THADA: variants seen among roughly 807,000 people sequenced by gnomAD.
The protein encoded by THADA is THADA armadillo repeat containing.
In THADA, 213 loss-of-function variants were observed where a neutral mutation model predicts 219.8. The ratio of observed to expected loss-of-function variants is 0.97; its 90% confidence interval spans 0.87 to 1.09. The LOEUF is 1.09. Ranked by LOEUF, THADA falls within the 50% of genes least tolerant of loss-of-function variation. The probability of loss-of-function intolerance (pLI) is 0.00; values close to 1 mark genes in which losing one functional copy is unlikely to be tolerated. For missense variants in THADA, 2,956 were observed against 2,311.3 expected, an observed-to-expected ratio of 1.28 and a Z score of -5.72; for synonymous variants, 1,018 against 828.9, an observed-to-expected ratio of 1.23 and a Z score of -3.92.
rs542228773 is a variant in THADA, at chr2:43,236,536, G to A, written c.5297-3654C>T. ...GTCCATCAAGGAAACAAGAAAGCAA[G>A]CAGCCAAGCAACAAGTGTGTTTTAA... is the stretch of plus-strand genomic sequence containing the variant. On this transcript the variant is annotated intron_variant, in intron 36 of 37. Coordinates refer to ENST00000405975, the MANE Select transcript of THADA (RefSeq NM_022065.5). Among the ~76,000 whole-genome samples, 63 of 152,298 alleles carry A rather than the reference G, an allele frequency of 4.1e-4. 1 individual carries two copies. In the South Asian group the frequency reaches 0.012, roughly 30 times the overall value.
At chr2:43,503,082 G>A (rs1471050376) in intron 24 of THADA, among the ~76,000 whole-genome samples, 5 of 152,202 alleles carry the variant, frequency 3.3e-5, no homozygotes. Context: ...ATACAAAGGT[G>A]TTGATAAGCA....
intron 30 of THADA, among the ~76,000 whole-genome samples, chr2:43,335,829 T>C (rs1666352676): frequency 6.8e-6 from 1 of 146,596 alleles, no homozygotes. Context: ...CCAGGAGTGG[T>C]GGCTCACATC....
intron 36 of THADA, among the ~76,000 whole-genome samples, chr2:43,233,586 G>T (rs1011076208): frequency 6.6e-6 from 1 of 152,192 alleles, no homozygotes; most frequent in African/African-American, 2.4e-5. Flanking sequence ...GCTGCCCTCT[G>T]TCTCGGAGTT....
chr2:43,310,219 C>CCTTTT (rs1553382735), intron 31 of THADA, among the ~76,000 whole-genome samples: 2 of 87,028 alleles, frequency 2.3e-5, no homozygotes, highest in South Asian at 6.1e-4. Flanking sequence ...CCCTCCCTCC[C>CCTTTT]TTTCCCGCCC....
At chr2:43,580,661 G>C (rs1421577868) in intron 8 of THADA, among the ~76,000 whole-genome samples, 1 of 151,914 alleles carries the variant, frequency 6.6e-6, no homozygotes, top group African/African-American at 2.4e-5. Context: ...GATCACCTGA[G>C]GTCAGGAGTT....
intron 31 of THADA, among the ~76,000 whole-genome samples, chr2:43,315,768 G>C (rs992361348): frequency 1.2e-4 from 19 of 152,354 alleles, no homozygotes; most frequent in African/African-American, 4.3e-4. Flanking sequence ...CATCCAGCCA[G>C]TTACATTATT....
At chr2:43,398,314 G>C (rs1674357024) in intron 28 of THADA, among the ~76,000 whole-genome samples, 175 bp from the exon 29 acceptor site, 3 of 152,158 alleles carry the variant, frequency 2.0e-5, no homozygotes, top group Admixed American at 6.5e-5. Flanking sequence ...AGGTGACTTT[G>C]CTTTGGTTAA....
intron 36 of THADA, among the ~76,000 whole-genome samples, chr2:43,279,466 A>AT (rs1210802326): frequency 6.6e-6 from 1 of 152,240 alleles, no homozygotes; most frequent in Non-Finnish European, 1.5e-5. Context: ...CTAACAGTTT[A>AT]TTAAATTTCT....
chr2:43,350,514 G>T (rs958260560), intron 29 of THADA, among the ~76,000 whole-genome samples: 2 of 152,214 alleles, frequency 1.3e-5, no homozygotes. Context: ...TAGGCCGTAG[G>T]CCTCTCAGGA....
At chr2:43,556,283 C>A in intron 17 of THADA, 62 bp downstream of exon 17, 1 of 1,581,332 alleles carries the variant, frequency 6.3e-7, no homozygotes, top group East Asian at 2.3e-5. Flanking sequence ...ATTAGATATT[C>A]TAACCAAATG....
Position 43,385,799 on chromosome 2 carries a change from G to C in THADA, c.4227+12172C>G, listed in dbSNP as rs912777212. Among the ~76,000 whole-genome samples, 40 of 145,412 alleles carry C rather than the reference G, an allele frequency of 2.8e-4. 1 individual carries two copies. The highest frequency in any genetic ancestry group is 1.0e-3 in the African/African-American group (36 of 35,494). On this transcript the variant is annotated intron_variant, in intron 29 of 37. Transcript: ENST00000405975. ...CTGATCTCTTTGAAGATTAACAAAG[G>C]TGATAGAATTTGCTGGCACTTGTAA...
intron 14 of THADA, among the ~76,000 whole-genome samples, chr2:43,567,406 G>C (rs558271814): frequency 2.7e-4 from 41 of 152,218 alleles, no homozygotes; most frequent in African/African-American, 9.6e-4. Context: ...GAGGTGGGCA[G>C]ATCACCTGAG....
At chr2:43,514,978 AACATTTT>A (rs1281183629) in intron 22 of THADA, among the ~76,000 whole-genome samples, 1 of 46,718 alleles carries the variant, frequency 2.1e-5, no homozygotes, top group Non-Finnish European at 3.9e-5. Context: ...TATAATATAT[AACATTTT>A]ATATATAATA....
chr2:43,259,337 G>A (rs1463505142), intron 36 of THADA, among the ~76,000 whole-genome samples: 2 of 152,234 alleles, frequency 1.3e-5, no homozygotes, highest in Non-Finnish European at 2.9e-5. Context: ...ATGAATGCTG[G>A]CCAGGGAAAC....
At chr2:43,298,324 G>A (rs1450721106) in intron 31 of THADA, among the ~76,000 whole-genome samples, 1 of 98,214 alleles carries the variant, frequency 1.0e-5, no homozygotes, top group African/African-American at 5.4e-5. Context: ...TCTGAAACAT[G>A]TGCTGTGTCC....
chr2:43,481,563 T>A (rs769619784), intron 26 of THADA, among the ~76,000 whole-genome samples: 2 of 152,242 alleles, frequency 1.3e-5, no homozygotes, highest in East Asian at 1.9e-4. Context: ...CTACCATTTA[T>A]AAATTTCTAA....
chr2:43,517,083 G>C (rs1691817180), intron 22 of THADA, among the ~76,000 whole-genome samples: 1 of 152,084 alleles, frequency 6.6e-6, no homozygotes, highest in Non-Finnish European at 1.5e-5. Flanking sequence ...TAAATGAACT[G>C]GGTGACATGA....
intron 31 of THADA, among the ~76,000 whole-genome samples, chr2:43,294,704 G>A (rs1675155999): frequency 6.6e-6 from 1 of 152,152 alleles, no homozygotes; most frequent in Non-Finnish European, 1.5e-5. Flanking sequence ...AGGGAGACCA[G>A]TTACAACACT....
Position 43,297,547 on chromosome 2 carries a change from TG to T in THADA, c.4439-4335del, listed in dbSNP as rs1419914840. Among the ~76,000 whole-genome samples the T allele has an allele frequency of 9.7e-5, 7 of 72,498 alleles. No homozygotes were observed. In the East Asian group the frequency reaches 1.2e-3, roughly 13 times the overall value. The allele number at this position is 72,498 out of a possible 152,430, so 47.6% of individuals were successfully genotyped here. On this transcript the variant is annotated intron_variant, in intron 31 of 37. Transcript: ENST00000405975. ...CCAGCCGTGCCGTCCGGGAGGGAGG[TG>T]GGGGGGTCAGCCCCCCGCCTGGCCA...
Sources: gnomAD v4.1 joint callset for allele counts (sites outside exome capture counted in the v4.1 genomes callset) on GRCh38, gnomAD v4.1.1 for gene constraint, MANE v1.5 for transcripts, NCBI Gene and HGNC (gene_info 2026-07-23, HGNC 2026-07-21) for gene names.